The following PCDHGB3 variants were observed in gnomAD, a reference collection of about 807,000 sequenced individuals.
PCDHGB3 encodes protocadherin gamma subfamily B, 3, also known as protocadherin gamma-B3.
Under a neutral mutation model 59.2 loss-of-function variants are expected in PCDHGB3, and 40 were observed. The ratio of observed to expected loss-of-function variants is 0.68; its 90% CI spans 0.52 to 0.88. PCDHGB3 has a LOEUF of 0.88. Among genes scored for constraint, PCDHGB3 ranks in the 40% least tolerant of loss-of-function variants. The pLI is 0.00. For synonymous variants in PCDHGB3, 581 were observed against 503.6 expected (o/e 1.15, Z -2.06); for missense variants, 1,309 against 1,187.9 (o/e 1.10, Z -1.50).
At chr5:141,404,039 G>A in intron 1 of PCDHGB3, 1 of 1,613,750 alleles carries the variant, frequency 6.2e-7, no homozygotes, top group Non-Finnish European at 8.5e-7. Context: ...CGCACCTCAG[G>A]GAACAGTAAT....
intron 1 of PCDHGB3, chr5:141,392,261 A>C (rs2150475228): frequency 6.6e-6 from 1 of 152,338 alleles, no homozygotes; most frequent in Admixed American, 6.5e-5. Flanking sequence ...TATTGGAGAC[A>C]TTTACAATAA....
chr5:141,491,583 C>G lies in PCDHGB3; in HGVS notation c.2416-3224C>G. On this transcript the variant is annotated intron_variant, in intron 1 of 3. Coordinates refer to ENST00000576222, the MANE Select transcript of PCDHGB3 (RefSeq NM_018924.5). This position sits in a 1 kb window ranked among gnomAD's most constrained non-coding sequence, Gnocchi z 6.9. ...GCTACAGGACGTGCTTTTCACCGGC[C>G]TCGGACGGCAGTGACTTCACTTTTC... is the stretch of plus-strand genomic sequence containing the variant. 1 of 1,613,964 alleles carries G rather than the reference C, an allele frequency of 6.2e-7. No individual in the cohort carries two copies. The highest frequency in any genetic ancestry group is 8.5e-7 in the Non-Finnish European group (1 of 1,180,046).
intron 1 of PCDHGB3, among the ~76,000 whole-genome samples, chr5:141,435,099 TA>T (rs892317840): frequency 2.0e-5 from 3 of 152,260 alleles, no homozygotes; most frequent in African/African-American, 7.2e-5. Context: ...TCTGTTTATC[TA>T]GGGGGGAGAA....
chr5:141,417,910 A>G (rs1339671115), intron 1 of PCDHGB3: 2 of 1,599,246 alleles, frequency 1.3e-6, no homozygotes, highest in East Asian at 2.3e-5. Flanking sequence ...GGCAGGTACT[A>G]TTTCCTTTGC....
chr5:141,420,525 C>T (rs895355117), intron 1 of PCDHGB3: 2 of 358,086 alleles, frequency 5.6e-6, no homozygotes, highest in South Asian at 2.1e-4. Flanking sequence ...AAATACCTTT[C>T]GGTTAAAAAT....
chr5:141,506,380 TG>T (rs2099852860), intron 3 of PCDHGB3, among the ~76,000 whole-genome samples: 1 of 141,314 alleles, frequency 7.1e-6, no homozygotes, highest in Non-Finnish European at 1.5e-5. Flanking sequence ...ACCTGGGAGG[TG>T]GCTGTGGTGA....
intron 1 of PCDHGB3, chr5:141,394,309 C>T (rs2092971552): frequency 6.2e-7 from 1 of 1,613,992 alleles, no homozygotes; most frequent in Non-Finnish European, 8.5e-7. Flanking sequence ...CTGCAGGGGG[C>T]GCCCCTGTCC....
At chr5:141,429,577 T>C (rs2097225544) in intron 1 of PCDHGB3, among the ~76,000 whole-genome samples, 2 of 152,230 alleles carry the variant, frequency 1.3e-5, no homozygotes, top group South Asian at 4.1e-4. Context: ...TTACATTTAC[T>C]TTTGATTCTT....
intron 1 of PCDHGB3, among the ~76,000 whole-genome samples, chr5:141,426,098 A>T (rs144349682): frequency 6.6e-6 from 1 of 152,356 alleles, no homozygotes; most frequent in Non-Finnish European, 1.5e-5. Flanking sequence ...TATTCTGTTC[A>T]GTCACAGAAG....
chr5:141,427,028 C>T (rs960885416), intron 1 of PCDHGB3: 12 of 456,928 alleles, frequency 2.6e-5, no homozygotes, highest in Admixed American at 2.1e-4. Flanking sequence ...ACAAAGTCAG[C>T]CTTAGAGAGA....
intron 1 of PCDHGB3, chr5:141,440,761 C>T (rs2098198732): frequency 6.6e-6 from 1 of 152,172 alleles, no homozygotes; most frequent in African/African-American, 2.4e-5. Context: ...GCAGAGCTCC[C>T]ATCCCTTAGT....
intron 2 of PCDHGB3, 58 bp downstream of exon 2, chr5:141,494,923 G>T: frequency 6.2e-7 from 1 of 1,613,698 alleles, no homozygotes; most frequent in Non-Finnish European, 8.5e-7. Context: ...CAGGGATGAC[G>T]TGGGAGGAGA....
At position 141,486,315 on chromosome 5, in the gene PCDHGB3, C is replaced by T. The variant is rs1432435944; in HGVS notation, c.2416-8492C>T. The T allele has an allele frequency of 6.2e-7, 1 of 1,614,066 alleles. No individual in the cohort carries two copies. Among genetic ancestry groups the T allele is most frequent in the East Asian group, 2.2e-5 (1 of 44,862 alleles). ...AGTGTGCAGGATCCAGACTCAGGGT[C>T]AAACGGAGATGTGAGCCTCCGCATT... On this transcript the variant is annotated intron_variant, in intron 1 of 3. Transcript: ENST00000576222. The surrounding 1 kb of genome is among the most constrained non-coding windows in gnomAD (Gnocchi z 5.0).
Position 141,431,205 on chromosome 5 carries a change from A to T in PCDHGB3, c.2415+58396A>T, listed in dbSNP as rs1438031040. ...AAAATTAGTGAAAATGCAGCCACTG[A>T]GATGCGGTTCCCTCTACCCCACGCC... On this transcript the variant is annotated intron_variant, in intron 1 of 3. Transcript: ENST00000576222. This position sits in a 1 kb window ranked among gnomAD's most constrained non-coding sequence, Gnocchi z 4.8. 1.1e-5 allele frequency: 18 copies of T among 1,614,092 alleles called. No homozygotes were observed. Among genetic ancestry groups the T allele is most frequent in the Non-Finnish European group, 1.5e-5 (18 of 1,180,056 alleles).
intron 1 of PCDHGB3, chr5:141,410,849 CTTTTTTTTTTTTTT>C (rs759346998): frequency 7.7e-6 from 1 of 129,786 alleles, no homozygotes; most frequent in African/African-American, 6.0e-5. Context: ...TTGTCTTTGT[CTTTTTTTTTTTTTT>C]TTTTTTTTGA....
chr5:141,454,675 G>A (rs973403044), intron 1 of PCDHGB3, among the ~76,000 whole-genome samples: 8 of 151,764 alleles, frequency 5.3e-5, no homozygotes, highest in Non-Finnish European at 1.0e-4. Context: ...CAAAACACTG[G>A]GATTACAGGC....
At chr5:141,384,522 T>G (rs1251146864) in intron 1 of PCDHGB3, 2 of 1,614,074 alleles carry the variant, frequency 1.2e-6, no homozygotes, top group East Asian at 2.2e-5. Context: ...GGGACCCGCC[T>G]CTCAGCAGCA....
At chr5:141,463,583 G>A (rs1444995569) in intron 1 of PCDHGB3, among the ~76,000 whole-genome samples, 1 of 151,598 alleles carries the variant, frequency 6.6e-6, no homozygotes, top group African/African-American at 2.4e-5. Flanking sequence ...CGAGTAGCTG[G>A]GACTACAGGT....
chr5:141,494,745 G>C, intron 1 of PCDHGB3, 62 bp from the exon 2 acceptor site: 1 of 1,612,802 alleles, frequency 6.2e-7, no homozygotes, highest in Middle Eastern at 1.7e-4. Flanking sequence ...ATCCCTAGGG[G>C]CTCGGGTGAC....
Sources: gnomAD v4.1 joint callset for allele counts (sites outside exome capture counted in the v4.1 genomes callset) on GRCh38, gnomAD v4.1.1 for gene constraint, Gnocchi (gnomAD v3.1) non-coding constraint, MANE v1.5 for transcripts, NCBI Gene and HGNC (gene_info 2026-07-23, HGNC 2026-07-21) for gene names.